The following IGF2BP1 variants were observed in gnomAD, a reference collection of about 807,000 sequenced individuals.
The protein encoded by IGF2BP1 is insulin like growth factor 2 mRNA binding protein 1.
Under a neutral mutation model 74.9 loss-of-function variants are expected in IGF2BP1, and 11 were observed. That is an observed-to-expected ratio of 0.15 (90% CI 0.09 to 0.24). IGF2BP1 has a LOEUF of 0.24. Among genes scored for constraint, IGF2BP1 ranks in the 10% least tolerant of loss-of-function variants. The pLI is 1.00. For missense variants in IGF2BP1, 440 were observed against 757.4 expected (o/e 0.58, Z 4.92); for synonymous variants, 287 against 281.8 (o/e 1.02, Z -0.18).
intron 4 of IGF2BP1, among the ~76,000 whole-genome samples, chr17:49,026,793 G>A (rs1017015454): frequency 2.6e-5 from 4 of 151,770 alleles, no homozygotes; most frequent in Admixed American, 6.6e-5. Flanking sequence ...CACCAGGCTG[G>A]AGTGAAGTGG....
chr17:49,021,410 G>A (rs1420342784), intron 2 of IGF2BP1, among the ~76,000 whole-genome samples: 1 of 152,120 alleles, frequency 6.6e-6, no homozygotes, highest in African/African-American at 2.4e-5. Flanking sequence ...TCTGGAGGAT[G>A]GTCACTCAGT....
chr17:49,032,013 G>C lies in IGF2BP1; in HGVS notation c.401+40G>C, dbSNP rs781668687. On this transcript the variant is annotated intron_variant, in intron 5 of 14. Transcript: ENST00000290341. The stretch of plus-strand genomic sequence containing the variant: ...AAGTGGGGCTGGGTGCGGTGGGGGG[G>C]GGTTCTGTGAAGGGTGGTGTGAGCC... 4.8e-5 allele frequency: 72 copies of C among 1,512,318 alleles called. No individual in the cohort carries two copies. In the African/African-American group the frequency reaches 6.6e-4, roughly 14 times the overall value. The allele number at this position is 1,512,318 out of a possible 1,614,324, so 93.7% of individuals were successfully genotyped here.
chr17:49,031,957 C>T lies in IGF2BP1; in HGVS notation c.385C>T (p.Arg129Trp), dbSNP rs1449151062. The T allele has an allele frequency of 5.2e-6, 8 of 1,538,698 alleles. No homozygotes were observed. Among genetic ancestry groups the T allele is most frequent in the African/African-American group, 2.7e-5 (2 of 72,762 alleles). ...TAVVNVTYSN[R>W]EQTRQAIMKL... ...AGTGGTGAATGTCACCTATTCCAACCGGGAGCAGACCAGGCAGTGAGTGGG... is the reference window on the plus strand; with the variant it reads ...AGTGGTGAATGTCACCTATTCCAACTGGGAGCAGACCAGGCAGTGAGTGGG... Residue 129 changes from arginine (R) to tryptophan (W), a missense_variant, in exon 5 of 15, where the codon CGG becomes TGG. This residue lies in a region of IGF2BP1 where 105 missense variants were observed against 199.4 expected (regional missense o/e 0.53). Transcript: ENST00000290341.
chr17:49,034,756 C>CCAA, intron 5 of IGF2BP1, among the ~76,000 whole-genome samples: 1 of 136,210 alleles, frequency 7.3e-6, no homozygotes, highest in South Asian at 2.4e-4. Context: ...ACAAAAAAAA[C>CCAA]AAAAAAAACA....
chr17:49,012,757 AG>A (rs1452532454), intron 2 of IGF2BP1, among the ~76,000 whole-genome samples: 1 of 152,078 alleles, frequency 6.6e-6, no homozygotes, highest in African/African-American at 2.4e-5. Context: ...TTCTTTACAC[AG>A]GGTCTCCCTC....
At chr17:49,041,266 T>G in intron 7 of IGF2BP1, 112 bp from the exon 8 acceptor site, 55 of 1,121,306 alleles carry the variant, frequency 4.9e-5, no homozygotes, top group Non-Finnish European at 6.8e-5. Flanking sequence ...TGATAAGTTT[T>G]GAGATGTTTT....
rs768773591 is a variant in IGF2BP1 at position 48,999,155 on chromosome 17, G to C, written c.222G>C (p.Val74=). Residue 74 remains valine, a synonymous_variant, in exon 2 of 15, where the codon GTG becomes GTC. Coordinates refer to ENST00000290341, the MANE Select transcript of IGF2BP1 (RefSeq NM_006546.4). Reference sequence around the variant, plus strand: ...AACGCTTAGAGATTGAACATTCGGTGCCCAAAAAACAAAGGTAGGAAAGAG... The same window carrying C: ...AACGCTTAGAGATTGAACATTCGGTCCCCAAAAAACAAAGGTAGGAAAGAG... ...QGKRLEIEHS[V]PKKQRSRKIQ... 3 of 1,245,812 alleles carry C rather than the reference G, an allele frequency of 2.4e-6. No homozygotes were observed. Among genetic ancestry groups the C allele is most frequent in the Middle Eastern group, 4.3e-4 (2 of 4,604 alleles). The allele number at this position is 1,245,812 out of a possible 1,614,324, so 77.2% of individuals were successfully genotyped here. A position where few individuals can be genotyped will look rare whatever the true frequency, so the allele number is the denominator to read the frequency against.
At chr17:49,031,369 C>G (rs968026272) in intron 4 of IGF2BP1, among the ~76,000 whole-genome samples, 1 of 152,082 alleles carries the variant, frequency 6.6e-6, no homozygotes, top group Non-Finnish European at 1.5e-5. Flanking sequence ...TCCCAAAGTC[C>G]TGGGATTATA....
At chr17:49,002,844 A>G (rs1010098705) in intron 2 of IGF2BP1, among the ~76,000 whole-genome samples, 7 of 152,132 alleles carry the variant, frequency 4.6e-5, no homozygotes, top group Admixed American at 3.3e-4. Flanking sequence ...GCAAATTCAT[A>G]AATTAGTTTC....
chr17:49,049,282 G>T, intron 14 of IGF2BP1, 70 bp from the exon 15 acceptor site: 2 of 1,288,706 alleles, frequency 1.6e-6, no homozygotes, highest in South Asian at 2.5e-5. Flanking sequence ...TGGACCTGAT[G>T]ACCTCTCTTC....
intron 2 of IGF2BP1, among the ~76,000 whole-genome samples, chr17:49,001,207 G>T (rs1455942506): frequency 2.0e-5 from 3 of 152,146 alleles, no homozygotes; most frequent in African/African-American, 7.2e-5. Flanking sequence ...TGTGTCTTTA[G>T]TCTGTGTCTG....
chr17:49,000,627 CTGAAAGCTGAGTGT>C (rs2041477992), intron 2 of IGF2BP1, among the ~76,000 whole-genome samples: 1 of 152,134 alleles, frequency 6.6e-6, no homozygotes, highest in African/African-American at 2.4e-5. Context: ...GATATTTGAA[CTGAAAGCTGAGTGT>C]TGATGAAAAA....
At chr17:49,008,652 G>C (rs1198896078) in intron 2 of IGF2BP1, among the ~76,000 whole-genome samples, 3 of 152,160 alleles carry the variant, frequency 2.0e-5, no homozygotes, top group Non-Finnish European at 4.4e-5. Flanking sequence ...TGTCTGTCTA[G>C]GCCCAAACTC....
intron 12 of IGF2BP1, among the ~76,000 whole-genome samples, chr17:49,045,348 G>C (rs1001851468): frequency 7.9e-5 from 12 of 152,194 alleles, no homozygotes; most frequent in Non-Finnish European, 1.6e-4. Flanking sequence ...TTCTAAGGAA[G>C]GCCTTTAATG....
chr17:49,007,977 G>C (rs1342874468), intron 2 of IGF2BP1, among the ~76,000 whole-genome samples: 3 of 152,056 alleles, frequency 2.0e-5, no homozygotes, highest in African/African-American at 7.2e-5. Flanking sequence ...TTTGAGACCA[G>C]CCTGACCAAC....
At chr17:49,017,348 G>A (rs1276721089) in intron 2 of IGF2BP1, among the ~76,000 whole-genome samples, 3 of 152,252 alleles carry the variant, frequency 2.0e-5, no homozygotes, top group Middle Eastern at 3.4e-3. Context: ...CAGGGACCAT[G>A]CCTATGTGCT....
intron 5 of IGF2BP1, among the ~76,000 whole-genome samples, chr17:49,035,241 T>C (rs542210693): frequency 2.0e-5 from 3 of 152,304 alleles, no homozygotes; most frequent in East Asian, 1.9e-4. Flanking sequence ...CTCGATGATA[T>C]CCACATGACA....
At chr17:49,048,727 A>T (rs1205487390) in intron 14 of IGF2BP1, among the ~76,000 whole-genome samples, 1 of 152,080 alleles carries the variant, frequency 6.6e-6, no homozygotes, top group East Asian at 1.9e-4. Flanking sequence ...TTACCTCCTG[A>T]GCCCCGCTTC....
Position 49,041,514 on chromosome 17 carries a change from C to A in IGF2BP1, c.941+14C>A. 6.2e-7 allele frequency: 1 copy of A among 1,614,092 alleles called. No homozygotes were observed. The highest frequency in any genetic ancestry group is 8.5e-7 in the Non-Finnish European group (1 of 1,179,972). On this transcript the variant is annotated intron_variant, in intron 8 of 14. Coordinates refer to ENST00000290341, the MANE Select transcript of IGF2BP1 (RefSeq NM_006546.4). ...CACCATCTCCTCGTAAGGCTCTCTTCTATTTCCCTGTTTATGAGTGGGGGA... is the reference window on the plus strand; with the variant it reads ...CACCATCTCCTCGTAAGGCTCTCTTATATTTCCCTGTTTATGAGTGGGGGA...
Sources: gnomAD v4.1 joint callset for allele counts (sites outside exome capture counted in the v4.1 genomes callset) on GRCh38, gnomAD v4.1.1 for gene constraint, gnomAD v4.1.1 regional missense constraint, MANE v1.5 for transcripts, NCBI Gene and HGNC (gene_info 2026-07-23, HGNC 2026-07-21) for gene names.